Variants in PCDHGA2 observed in about 807,000 individuals in gnomAD.
The protein encoded by PCDHGA2 is protocadherin gamma subfamily A, 2, also known as protocadherin gamma-A2.
PCDHGA2 carries 40 observed loss-of-function variants against 59.2 expected under a neutral mutation model. That is an observed-to-expected ratio of 0.68 (90% CI 0.52 to 0.88). The LOEUF (loss-of-function observed/expected upper bound fraction) is 0.88, where lower values mean the gene tolerates loss of function less well. Among genes scored for constraint, PCDHGA2 ranks in the 40% least tolerant of loss-of-function variants. PCDHGA2 has a pLI of 0.00. For missense variants in PCDHGA2, 1,226 were observed against 1,204.0 expected (o/e 1.02, Z -0.27); for synonymous variants, 560 against 526.0 (o/e 1.06, Z -0.89).
Position 141,476,437 on chromosome 5 carries a change from TCTGGAGTTGGTAGTGGAGAACCC to T in PCDHGA2, c.2425-18369_2425-18347del. ...GGACACTGCCCTCTTGCACTGTAAC[TCTGGAGTTGGTAGTGGAGAACCC>T]GCTGGAGCTGTTCAGCGTGGAAGTG... On this transcript the variant is annotated intron_variant, in intron 1 of 3. Transcript: ENST00000394576. The surrounding 1 kb of genome is among the most constrained non-coding windows in gnomAD (Gnocchi z 7.6). 1 of 1,614,004 alleles carries T rather than the reference TCTGGAGTTGGTAGTGGAGAACCC, an allele frequency of 6.2e-7. No individual in the cohort carries two copies. The highest frequency in any genetic ancestry group is 2.2e-5 in the East Asian group (1 of 44,836).
At chr5:141,364,396 G>T in intron 1 of PCDHGA2, 3 of 1,604,434 alleles carry the variant, frequency 1.9e-6, no homozygotes, top group Non-Finnish European at 2.6e-6. Context: ...TCCTGGGGAC[G>T]CTGTGCGAGC....
At position 141,418,595 on chromosome 5, in the gene PCDHGA2, G is replaced by A. The variant is rs1331897624; in HGVS notation, c.2425-76212G>A. The A allele has an allele frequency of 2.5e-6, 4 of 1,613,928 alleles. No individual in the cohort carries two copies. Among genetic ancestry groups the A allele is most frequent in the Admixed American group, 3.3e-5 (2 of 60,006 alleles). On this transcript the variant is annotated intron_variant, in intron 1 of 3. Transcript: ENST00000394576. ...CAACCCCCCAGTGTTCAGCCAGGAC[G>A]TGTACAGGGTTAGCCTTCGGGAAGA...
At chr5:141,373,914 G>C (rs1769957437) in intron 1 of PCDHGA2, 1 of 640,042 alleles carries the variant, frequency 1.6e-6, no homozygotes, top group African/African-American at 1.9e-5. Flanking sequence ...CAACAACAAA[G>C]CAAATTAGAC....
chr5:141,403,533 T>G (rs1307203985), intron 1 of PCDHGA2: 2 of 1,613,992 alleles, frequency 1.2e-6, no homozygotes, highest in African/African-American at 2.7e-5. Flanking sequence ...AACCCAGAGC[T>G]GGTGCTGGAG....
At position 141,477,368 on chromosome 5, in the gene PCDHGA2, G is replaced by A; in HGVS notation, c.2425-17439G>A. Reference sequence around the variant, plus strand: ...GAAAACCAGTGCAGACCTGGATCGGGAGACTGTGCCAGAATACAACCTCAG... The same window carrying A: ...GAAAACCAGTGCAGACCTGGATCGGAAGACTGTGCCAGAATACAACCTCAG... On this transcript the variant is annotated intron_variant, in intron 1 of 3. Coordinates refer to ENST00000394576, the MANE Select transcript of PCDHGA2 (RefSeq NM_018915.4). The surrounding 1 kb of genome is among the most constrained non-coding windows in gnomAD (Gnocchi z 4.9). 6.2e-7 allele frequency: 1 copy of A among 1,614,132 alleles called. No individual in the cohort carries two copies. Among genetic ancestry groups the A allele is most frequent in the Non-Finnish European group, 8.5e-7 (1 of 1,180,024 alleles).
chr5:141,505,252 C>T (rs2099844831), intron 2 of PCDHGA2, 141 bp from the exon 3 acceptor site: 1 of 1,454,140 alleles, frequency 6.9e-7, no homozygotes, highest in Non-Finnish European at 9.2e-7. Context: ...TGTAGAAGTG[C>T]CTCCTACCTT....
chr5:141,395,185 T>C, intron 1 of PCDHGA2: 1 of 1,614,158 alleles, frequency 6.2e-7, no homozygotes, highest in Non-Finnish European at 8.5e-7. Context: ...AATGATTCTT[T>C]GTTAACATCC....
At chr5:141,417,673 C>G in intron 1 of PCDHGA2, 3 of 970,368 alleles carry the variant, frequency 3.1e-6, no homozygotes, top group Non-Finnish European at 2.9e-6. Context: ...CCTGCGCAGC[C>G]AACAACAGAA....
intron 1 of PCDHGA2, chr5:141,441,249 T>TA (rs981387539): frequency 2.0e-5 from 3 of 152,206 alleles, no homozygotes. Context: ...ACAAGATCTT[T>TA]AAATCACAAG....
intron 1 of PCDHGA2, chr5:141,426,294 CAG>C (rs555591649): frequency 1.2e-4 from 20 of 167,070 alleles, no homozygotes; most frequent in African/African-American, 4.5e-4. Context: ...GGATGGGAAA[CAG>C]GGTGAAGCAG....
chr5:141,502,475 A>G (rs1246548191), intron 2 of PCDHGA2, among the ~76,000 whole-genome samples: 1 of 150,884 alleles, frequency 6.6e-6, no homozygotes, highest in Non-Finnish European at 1.5e-5. Context: ...TTCCCGCAGC[A>G]TCACACTGGG....
intron 1 of PCDHGA2, chr5:141,345,064 C>T (rs1475789913): frequency 1.4e-5 from 23 of 1,613,796 alleles, no homozygotes; most frequent in Non-Finnish European, 1.9e-5. Context: ...AATGACAATG[C>T]TCCAGAAATT....
chr5:141,497,885 A>T (rs1469477968), intron 2 of PCDHGA2, among the ~76,000 whole-genome samples: 1 of 152,166 alleles, frequency 6.6e-6, no homozygotes, highest in Non-Finnish European at 1.5e-5. Flanking sequence ...AAGCGTTAGG[A>T]TCTAGTCCAG....
rs531773756 is a variant in PCDHGA2 at position 141,417,037 on chromosome 5, TTA to T, written c.2424+75643_2424+75644del. On this transcript the variant is annotated intron_variant, in intron 1 of 3. Coordinates refer to ENST00000394576, the MANE Select transcript of PCDHGA2 (RefSeq NM_018915.4). ...ATTTTGAAAAATACAGGTTTTTTTT[TTA>T]AAAAAAACTGCTCTTGACATTGTAG... 5.9e-5 allele frequency: 9 copies of T among 151,574 alleles called. 1 individual carries two copies. Among genetic ancestry groups the T allele is most frequent in the Admixed American group, 2.0e-4 (3 of 15,204 alleles). The allele number at this position is 151,574 out of a possible 1,614,324, so 9.4% of individuals were successfully genotyped here.
At chr5:141,361,795 G>A (rs750920407) in intron 1 of PCDHGA2, 2 of 1,613,220 alleles carry the variant, frequency 1.2e-6, no homozygotes, top group East Asian at 2.2e-5. Context: ...GTTAGTGGGC[G>A]ACCTCAATGA....
At chr5:141,415,386 A>G (rs1383734863) in intron 1 of PCDHGA2, 9 of 1,614,156 alleles carry the variant, frequency 5.6e-6, no homozygotes, top group Non-Finnish European at 7.6e-6. Flanking sequence ...GCGGCTTGAC[A>G]GGTGTGTCCG....
intron 1 of PCDHGA2, chr5:141,423,134 G>A: frequency 6.2e-7 from 1 of 1,613,680 alleles, no homozygotes; most frequent in South Asian, 1.1e-5. Flanking sequence ...CTGCTGGACA[G>A]AGACGCGCTC....
At chr5:141,464,443 T>G (rs903733972) in intron 1 of PCDHGA2, among the ~76,000 whole-genome samples, 1 of 151,634 alleles carries the variant, frequency 6.6e-6, no homozygotes, top group African/African-American at 2.4e-5. Context: ...ATGTTTGTTG[T>G]TGTTGTTGTT....
At chr5:141,382,897 A>G in intron 1 of PCDHGA2, 1 of 1,540,826 alleles carries the variant, frequency 6.5e-7, no homozygotes, top group East Asian at 2.3e-5. Flanking sequence ...AAGCAGGACG[A>G]CTATGGCGGC....
Sources: gnomAD v4.1 joint callset for allele counts (sites outside exome capture counted in the v4.1 genomes callset) on GRCh38, gnomAD v4.1.1 for gene constraint, Gnocchi (gnomAD v3.1) non-coding constraint, MANE v1.5 for transcripts, NCBI Gene and HGNC (gene_info 2026-07-23, HGNC 2026-07-21) for gene names.